NOX4: variants seen among roughly 807,000 people sequenced by gnomAD.
NOX4 encodes the protein NADPH oxidase 4, also known as kidney oxidase-1.
NOX4 carries 69 observed loss-of-function variants against 87.6 expected under a neutral mutation model. The observed-to-expected ratio is 0.79, with a 90% CI of 0.65 to 0.96. The LOEUF (loss-of-function observed/expected upper bound fraction) is 0.96. Ranked by LOEUF, NOX4 falls within the 40% of genes least tolerant of loss-of-function variation. The pLI is 0.00. For missense variants in NOX4, 680 were observed against 681.5 expected, an observed-to-expected ratio of 1.00 and a Z score of 0.02; for synonymous variants, 275 against 238.2, an observed-to-expected ratio of 1.15 and a Z score of -1.42.
At chr11:89,588,830 C>T in the NOX4 span, among the ~76,000 whole-genome samples, 2 of 152,086 alleles carry the variant, frequency 1.3e-5, no homozygotes, top group Admixed American at 6.6e-5. Flanking sequence ...GCTGTGGCTC[C>T]TACCCACAGA....
intron 7 of NOX4, among the ~76,000 whole-genome samples, chr11:89,424,273 T>C (rs376728028): frequency 1.3e-5 from 2 of 151,744 alleles, no homozygotes; most frequent in African/African-American, 4.8e-5. Flanking sequence ...ATTATTTTTA[T>C]ATTTGATTTA....
the NOX4 span, among the ~76,000 whole-genome samples, chr11:89,509,610 T>G: frequency 5.9e-5 from 9 of 152,072 alleles, no homozygotes; most frequent in Admixed American, 1.3e-4. Context: ...ACCTTTAGAA[T>G]GGTATTTGTT....
At chr11:89,561,904 G>C in the NOX4 span, among the ~76,000 whole-genome samples, 23 of 152,192 alleles carry the variant, frequency 1.5e-4, no homozygotes, top group Admixed American at 1.5e-3. Flanking sequence ...ATATACTGCA[G>C]TCAGAAGCAA....
chr11:89,329,014 C>T (rs893527110), intron 17 of NOX4, among the ~76,000 whole-genome samples: 3 of 151,666 alleles, frequency 2.0e-5, no homozygotes, highest in African/African-American at 7.3e-5. Context: ...TTGTTTAATC[C>T]ACCAGTCTGT....
intron 13 of NOX4, 38 bp downstream of exon 13, chr11:89,354,924 A>G (rs1937894902): frequency 1.5e-6 from 2 of 1,364,304 alleles, no homozygotes; most frequent in Non-Finnish European, 2.1e-6. Flanking sequence ...CACTATGCCC[A>G]TTGCCTCATC....
chr11:89,532,802 T>C, the NOX4 span, among the ~76,000 whole-genome samples: 1 of 152,184 alleles, frequency 6.6e-6, no homozygotes, highest in Non-Finnish European at 1.5e-5. Context: ...AATAGGATCA[T>C]GGAAGTGGTC....
At chr11:89,527,527 G>A in the NOX4 span, among the ~76,000 whole-genome samples, 31 of 152,266 alleles carry the variant, frequency 2.0e-4, no homozygotes, top group Admixed American at 1.3e-4. Flanking sequence ...TGTGGGCTGG[G>A]CACAGGGCCT....
At chr11:89,531,861 A>G in the NOX4 span, among the ~76,000 whole-genome samples, 1 of 152,210 alleles carries the variant, frequency 6.6e-6, no homozygotes, top group Admixed American at 6.5e-5. Context: ...TGGGGACAGG[A>G]TGCCCTGTGG....
the NOX4 span, among the ~76,000 whole-genome samples, chr11:89,581,448 T>C: frequency 1.3e-5 from 2 of 152,198 alleles, no homozygotes; most frequent in Non-Finnish European, 2.9e-5. Flanking sequence ...GAACTATAAA[T>C]GCTTATTAAT....
At chr11:89,396,857 C>T (rs1941528502) in intron 11 of NOX4, among the ~76,000 whole-genome samples, 2 of 152,104 alleles carry the variant, frequency 1.3e-5, no homozygotes, top group African/African-American at 4.8e-5. Flanking sequence ...TAGACTCCCA[C>T]TCAATAATAG....
At chr11:89,525,009 T>C in the NOX4 span, among the ~76,000 whole-genome samples, 1 of 152,092 alleles carries the variant, frequency 6.6e-6, no homozygotes, top group Non-Finnish European at 1.5e-5. Flanking sequence ...ATACAAACTG[T>C]TATGCAGATT....
chr11:89,454,003 A>G (rs1406805267), intron 2 of NOX4, among the ~76,000 whole-genome samples: 1 of 152,212 alleles, frequency 6.6e-6, no homozygotes, highest in East Asian at 1.9e-4. Flanking sequence ...CAAAAAGGTT[A>G]TTGTTCTTGT....
intron 12 of NOX4, among the ~76,000 whole-genome samples, chr11:89,372,874 G>A (rs1261319034): frequency 6.6e-6 from 1 of 151,914 alleles, no homozygotes; most frequent in Non-Finnish European, 1.5e-5. Flanking sequence ...AGAGAATAAT[G>A]TTTCTTTTAT....
At chr11:89,500,652 A>G (rs1337595834), upstream of NOX4, among the ~76,000 whole-genome samples, 3 of 152,102 alleles carry the variant, frequency 2.0e-5, no homozygotes, top group Non-Finnish European at 4.4e-5. Flanking sequence ...TTTTTCTCCT[A>G]TTTCACAGGC....
chr11:89,467,152 T>C (rs922996889), intron 2 of NOX4, among the ~76,000 whole-genome samples: 3 of 151,718 alleles, frequency 2.0e-5, no homozygotes, highest in African/African-American at 7.2e-5. Context: ...ATCGAGACCA[T>C]GCTGGCTAAC....
chr11:89,470,985 T>TTA (rs1180970329), intron 2 of NOX4, among the ~76,000 whole-genome samples: 14 of 152,092 alleles, frequency 9.2e-5, no homozygotes, highest in Admixed American at 4.6e-4. Flanking sequence ...GATGGACTCT[T>TTA]TATTAATCTT....
the NOX4 span, among the ~76,000 whole-genome samples, chr11:89,561,361 T>C: frequency 2.0e-5 from 3 of 151,814 alleles, no homozygotes; most frequent in Admixed American, 6.6e-5. Flanking sequence ...TCCATCCAAA[T>C]ATAACAAATC....
chr11:89,396,645 CA>C (rs924540284), intron 11 of NOX4, among the ~76,000 whole-genome samples: 9 of 151,026 alleles, frequency 6.0e-5, no homozygotes, highest in African/African-American at 1.7e-4. Flanking sequence ...AAATGGAAAA[CA>C]AAAAAAAGCA....
At chr11:89,558,741 G>A in the NOX4 span, among the ~76,000 whole-genome samples, 28 of 151,976 alleles carry the variant, frequency 1.8e-4, no homozygotes, top group South Asian at 6.2e-4. Flanking sequence ...TATGCCATAG[G>A]CCAGTTTGCA....
Sources: gnomAD v4.1 joint callset for allele counts (sites outside exome capture counted in the v4.1 genomes callset) on GRCh38, gnomAD v4.1.1 for gene constraint, MANE v1.5 for transcripts, NCBI Gene and HGNC (gene_info 2026-07-23, HGNC 2026-07-21) for gene names.